Variants in AUTS2 observed in about 807,000 individuals in gnomAD.
AUTS2 encodes the protein autism susceptibility gene 2 protein.
Under a neutral mutation model 112.4 loss-of-function variants are expected in AUTS2, and 17 were observed. That is an observed-to-expected ratio of 0.15 (90% CI 0.10 to 0.23). The LOEUF (loss-of-function observed/expected upper bound fraction) is 0.23, where lower values mean the gene tolerates loss of function less well. AUTS2 is among the 10% of genes least tolerant of loss of function. AUTS2 has a pLI of 1.00. For synonymous variants in AUTS2, 751 were observed against 702.7 expected (o/e 1.07, Z -1.09); for missense variants, 1,510 against 1,701.6 (o/e 0.89, Z 1.98).
At chr7:70,332,669 A>G (rs1407558311) in intron 4 of AUTS2, among the ~76,000 whole-genome samples, 1 of 152,116 alleles carries the variant, frequency 6.6e-6, no homozygotes, top group African/African-American at 2.4e-5. Context: ...CACAACTACA[A>G]CCATCTGATC....
At chr7:70,132,224 A>G (rs1477312742) in intron 3 of AUTS2, among the ~76,000 whole-genome samples, 1 of 150,770 alleles carries the variant, frequency 6.6e-6, no homozygotes, top group East Asian at 2.0e-4. Flanking sequence ...ATGGCTCCTG[A>G]TACGAGACTC....
In AUTS2 at chr7:69,718,563, C is replaced by A. The variant is rs183940041; in HGVS notation, c.309+118601C>A. Among the ~76,000 whole-genome samples, 994 of 152,302 alleles carry A rather than the reference C, an allele frequency of 6.5e-3. 12 individuals carry two copies. The highest frequency in any genetic ancestry group is 0.023 in the African/African-American group (941 of 41,574). On this transcript the variant is annotated intron_variant, in intron 1 of 18. Transcript: ENST00000342771. ...CTCTTTTCCATAGTTACATCTTCCT[C>A]TTCCACTTTTAAGAACCCTTGATTA...
chr7:70,265,475 A>G (rs1173320170), intron 4 of AUTS2, among the ~76,000 whole-genome samples: 1 of 152,170 alleles, frequency 6.6e-6, no homozygotes, highest in African/African-American at 2.4e-5. Flanking sequence ...AATCACTGGG[A>G]GGTGAGAAAA....
chr7:69,854,119 G>A (rs1792613050), intron 1 of AUTS2, among the ~76,000 whole-genome samples: 1 of 151,986 alleles, frequency 6.6e-6, no homozygotes, highest in Admixed American at 6.6e-5. Context: ...CTTTGCAGTT[G>A]GAATACCCTA....
intron 1 of AUTS2, among the ~76,000 whole-genome samples, chr7:69,633,089 C>T (rs1481841074): frequency 6.6e-6 from 1 of 152,166 alleles, no homozygotes; most frequent in East Asian, 1.9e-4. Flanking sequence ...TACATCTCCT[C>T]CATTTCCTTC....
At chr7:70,687,139 G>C (rs998026481) in intron 5 of AUTS2, among the ~76,000 whole-genome samples, 3 of 152,164 alleles carry the variant, frequency 2.0e-5, no homozygotes, top group Non-Finnish European at 4.4e-5. Flanking sequence ...CCTGGACTTA[G>C]TAGGGTCCCC....
chr7:69,717,837 T>C (rs1185716045), intron 1 of AUTS2, among the ~76,000 whole-genome samples: 1 of 152,138 alleles, frequency 6.6e-6, no homozygotes, highest in Non-Finnish European at 1.5e-5. Context: ...ACAGAAGCTA[T>C]ACAGAGGGCA....
At chr7:70,035,136 T>A (rs557693972) in intron 2 of AUTS2, among the ~76,000 whole-genome samples, 73 of 152,244 alleles carry the variant, frequency 4.8e-4, no homozygotes, top group Non-Finnish European at 9.1e-4. Context: ...TTTCCCATTT[T>A]GTACTTTATG....
chr7:70,252,754 A>G (rs1786667861), intron 4 of AUTS2, among the ~76,000 whole-genome samples: 1 of 152,034 alleles, frequency 6.6e-6, no homozygotes, highest in Non-Finnish European at 1.5e-5. Context: ...TTTTGAGTTT[A>G]TTTTTGTAAA....
chr7:69,646,827 C>G (rs948096728), intron 1 of AUTS2, among the ~76,000 whole-genome samples: 1 of 152,206 alleles, frequency 6.6e-6, no homozygotes, highest in African/African-American at 2.4e-5. Flanking sequence ...TGGCTCACGC[C>G]TGTAATCCCA....
chr7:70,450,129 T>C (rs1049642532), intron 5 of AUTS2, among the ~76,000 whole-genome samples: 1 of 152,226 alleles, frequency 6.6e-6, no homozygotes, highest in Non-Finnish European at 1.5e-5. Context: ...TCATAGCTTC[T>C]TTCACTCATG....
intron 4 of AUTS2, among the ~76,000 whole-genome samples, chr7:70,363,061 T>G (rs1419751572): frequency 2.6e-5 from 4 of 152,242 alleles, no homozygotes; most frequent in Non-Finnish European, 5.9e-5. Flanking sequence ...TATAATATTT[T>G]TGTTAATACA....
At chr7:69,787,402 A>G (rs368776463) in intron 1 of AUTS2, among the ~76,000 whole-genome samples, 5 of 152,258 alleles carry the variant, frequency 3.3e-5, no homozygotes, top group East Asian at 3.8e-4. Context: ...AACCAGAAGT[A>G]GTATCAGGAT....
At chr7:70,537,216 T>C (rs1438037246) in intron 5 of AUTS2, among the ~76,000 whole-genome samples, 1 of 152,190 alleles carries the variant, frequency 6.6e-6, no homozygotes, top group East Asian at 1.9e-4. Flanking sequence ...GGTCTGTACA[T>C]AGTAGATCCT....
intron 1 of AUTS2, among the ~76,000 whole-genome samples, chr7:69,863,661 A>G (rs1405395327): frequency 6.6e-6 from 1 of 152,248 alleles, no homozygotes; most frequent in African/African-American, 2.4e-5. Context: ...TACCACGTGT[A>G]TGACTTAGAA....
intron 1 of AUTS2, among the ~76,000 whole-genome samples, chr7:69,625,186 C>T (rs372309376): frequency 6.6e-6 from 1 of 152,148 alleles, no homozygotes; most frequent in Non-Finnish European, 1.5e-5. Context: ...TTAGCAGAAG[C>T]GGACTCAGAA....
At chr7:70,170,363 G>A (rs1420763064) in intron 4 of AUTS2, among the ~76,000 whole-genome samples, 1 of 151,922 alleles carries the variant, frequency 6.6e-6, no homozygotes, top group African/African-American at 2.4e-5. Flanking sequence ...TGTTGTCAAG[G>A]CTGGTCTTGA....
At chr7:70,406,195 T>C (rs1436537954) in intron 4 of AUTS2, among the ~76,000 whole-genome samples, 3 of 152,202 alleles carry the variant, frequency 2.0e-5, no homozygotes, top group Admixed American at 2.0e-4. Context: ...TCTGCCTTTC[T>C]GACCTGCCAC....
At chr7:69,858,876 C>T (rs771899134) in intron 1 of AUTS2, among the ~76,000 whole-genome samples, 2 of 152,204 alleles carry the variant, frequency 1.3e-5, no homozygotes, top group Admixed American at 6.5e-5. Flanking sequence ...TGGATTTACT[C>T]TTTTTGCCCT....
Sources: allele counts gnomAD v4.1 joint callset (sites outside exome capture counted in the v4.1 genomes callset), GRCh38; gene constraint gnomAD v4.1.1; transcripts MANE v1.5; gene names NCBI Gene and HGNC (gene_info 2026-07-23, HGNC 2026-07-21).